Variants in GCFC2 observed in about 807,000 individuals in gnomAD.
GCFC2 encodes the protein GC-rich sequence DNA-binding factor 2.
In GCFC2, 102 loss-of-function variants were observed where a neutral mutation model predicts 99.4. That is an observed-to-expected ratio of 1.03 (90% CI 0.87 to 1.21). The LOEUF (loss-of-function observed/expected upper bound fraction) is 1.21, where lower values mean the gene tolerates loss of function less well. GCFC2 is among the 50% of genes most tolerant of loss of function. The pLI, the probability that GCFC2 is intolerant of heterozygous loss-of-function variation, is 0.00. For synonymous variants in GCFC2, 338 were observed against 316.8 expected (o/e 1.07, Z -0.71); for missense variants, 973 against 920.9 (o/e 1.06, Z -0.73).
At chr2:75,678,880 G>A (rs1679455697) in intron 12 of GCFC2, among the ~76,000 whole-genome samples, 1 of 152,078 alleles carries the variant, frequency 6.6e-6, no homozygotes, top group Non-Finnish European at 1.5e-5. Context: ...TTTTTTGGTA[G>A]AGATGGATCT....
upstream of GCFC2, among the ~76,000 whole-genome samples, chr2:75,711,617 G>C (rs1045221516): frequency 1.3e-5 from 2 of 152,224 alleles, no homozygotes; most frequent in African/African-American, 2.4e-5. Flanking sequence ...AGGTGACAGC[G>C]GGCCAGCTGG....
intron 1 of GCFC2, among the ~76,000 whole-genome samples, chr2:75,710,105 A>C (rs1303936022): frequency 6.6e-6 from 1 of 152,218 alleles, no homozygotes; most frequent in African/African-American, 2.4e-5. Context: ...TTTTGCAAAT[A>C]ACTGGTGAAA....
intron 4 of GCFC2, 53 bp downstream of exon 4, chr2:75,701,137 A>G: frequency 1.0e-6 from 1 of 982,520 alleles, no homozygotes; most frequent in South Asian, 1.4e-5. Context: ...GTTTGTGGTA[A>G]TTTGTTATAG....
In GCFC2 at chr2:75,680,867, A is replaced by G. The variant is rs566008348; in HGVS notation, c.1691-553T>C. ...AGCAGCACTATGAAGCTCCTACCAC[A>G]GCATCTACACACCTACCTACATCTG... is the stretch of plus-strand genomic sequence containing the variant. On this transcript the variant is annotated intron_variant, in intron 11 of 16. Coordinates refer to ENST00000321027, the MANE Select transcript of GCFC2 (RefSeq NM_003203.5). Among the ~76,000 whole-genome samples, 183 of 151,042 alleles carry G rather than the reference A, an allele frequency of 1.2e-3. 1 individual carries two copies. The highest frequency in any genetic ancestry group is 1.1e-3 in the Non-Finnish European group (74 of 67,616).
At chr2:75,676,731 G>C (rs541159341) in intron 12 of GCFC2, among the ~76,000 whole-genome samples, 1 of 152,114 alleles carries the variant, frequency 6.6e-6, no homozygotes, top group Non-Finnish European at 1.5e-5. Flanking sequence ...TCAAAACTGT[G>C]TCTCTCTCAT....
chr2:75,669,807 G>A (rs935735344), intron 15 of GCFC2, among the ~76,000 whole-genome samples: 3 of 151,820 alleles, frequency 2.0e-5, no homozygotes, highest in Non-Finnish European at 2.9e-5. Context: ...TCACTGCAAC[G>A]TCTGCCTCCT....
At chr2:75,694,932 T>A (rs888687191) in intron 5 of GCFC2, among the ~76,000 whole-genome samples, 3 of 152,128 alleles carry the variant, frequency 2.0e-5, no homozygotes, top group Non-Finnish European at 4.4e-5. Context: ...TGGGTTCCTC[T>A]AGGGAGGGTG....
Position 75,691,991 on chromosome 2 carries a change from A to C in GCFC2, c.1130T>G (p.Leu377Ter). Residue 377 changes from leucine (L) to a stop codon, truncating the protein, a stop_gained, in exon 7 of 17, where the codon TTA (leucine) becomes TGA (stop). Transcript: ENST00000321027. LOFTEE classifies it high-confidence loss of function. ...AAAACACTAACGTGATAACTGTTGT[A>C]AATACGTTGATTCATGTTTTAATTC... is the stretch of plus-strand genomic sequence containing the variant. ...QDELKHESTYLQQLSRKDETS... is the reference protein window; with the variant it reads ...QDELKHESTY 1 of 1,538,798 alleles carries C rather than the reference A, an allele frequency of 6.5e-7. No homozygotes were observed. Among genetic ancestry groups the C allele is most frequent in the Non-Finnish European group, 8.8e-7 (1 of 1,136,206 alleles).
intron 6 of GCFC2, 48 bp from the exon 7 acceptor site, chr2:75,692,148 T>TAC: frequency 1.9e-5 from 1 of 53,054 alleles, no homozygotes; most frequent in Non-Finnish European, 2.9e-5. Context: ...GATAATGAAA[T>TAC]ATATATATAT....
At chr2:75,668,446 G>A (rs1266663676) in intron 15 of GCFC2, among the ~76,000 whole-genome samples, 1 of 152,174 alleles carries the variant, frequency 6.6e-6, no homozygotes, top group Non-Finnish European at 1.5e-5. Flanking sequence ...GCAAAAATAA[G>A]CTCCTTTCTT....
Position 75,689,289 on chromosome 2 carries a change from AAC to A in GCFC2, c.1340-66_1340-65del, listed in dbSNP as rs1243626516. On this transcript the variant is annotated intron_variant, in intron 9 of 16. Transcript: ENST00000321027. The stretch of plus-strand genomic sequence containing the variant: ...TGAACTTTAAGTATGCTTCCTTAAA[AAC>A]ACGGTCATGATGGACTGTAATCAAT... 30 of 861,010 alleles carry A rather than the reference AAC, an allele frequency of 3.5e-5. No homozygotes were observed. In the African/African-American group the frequency reaches 5.1e-4, roughly 15 times the overall value. 53.3% of individuals were successfully genotyped at this position (861,010 alleles called of 1,614,324 possible). A position where few individuals can be genotyped will look rare whatever the true frequency, so the allele number is the denominator to read the frequency against.
At position 75,705,573 on chromosome 2, in the gene GCFC2, C is replaced by T. The variant is rs1334289963; in HGVS notation, c.394+950G>A. The stretch of plus-strand genomic sequence containing the variant: ...CGGAGCTTGCAGTGAACCCAGATTG[C>T]GCCACTGCACTCCAGCCTGGGCGAC... On this transcript the variant is annotated intron_variant, in intron 2 of 16. Transcript: ENST00000321027. Among the ~76,000 whole-genome samples, 9 of 109,808 alleles carry T rather than the reference C, an allele frequency of 8.2e-5. No individual in the cohort carries two copies. In the South Asian group the frequency reaches 1.9e-3, roughly 23 times the overall value. The allele number at this position is 109,808 out of a possible 152,430, so 72.0% of individuals were successfully genotyped here. A position where few individuals can be genotyped will look rare whatever the true frequency, so the allele number is the denominator to read the frequency against.
chr2:75,702,234 G>A lies in GCFC2; in HGVS notation c.584C>T (p.Pro195Leu), dbSNP rs760909768. ...AGCCATCCTTTGTCTAAGTGTTTGA[G>A]GTCTTAGAGTAAATGGTATTCTCTT... ...HEKRIPFTLR[P>L]QTLRQRMAEE... is the part of the protein sequence containing the mutation. The change falls in exon 3 of 17, where the codon CCT becomes CTT. Residue 195 changes from proline to leucine, a missense_variant. By Grantham distance (98) the Pro-to-Leu change is moderately conservative (BLOSUM62 -3). Transcript: ENST00000321027. 7.5e-6 allele frequency: 12 copies of A among 1,606,050 alleles called. No individual in the cohort carries two copies. The highest frequency in any genetic ancestry group is 9.4e-6 in the Non-Finnish European group (11 of 1,172,814).
chr2:75,703,485 G>A (rs1173065199), intron 2 of GCFC2, among the ~76,000 whole-genome samples: 1 of 152,202 alleles, frequency 6.6e-6, no homozygotes, highest in Non-Finnish European at 1.5e-5. Context: ...AAAAGTCCTT[G>A]AGTGAATCAT....
intron 2 of GCFC2, among the ~76,000 whole-genome samples, chr2:75,706,039 AT>A (rs1281844880): frequency 6.6e-6 from 1 of 152,244 alleles, no homozygotes; most frequent in African/African-American, 2.4e-5. Flanking sequence ...CATTCATGTC[AT>A]CTGTATAAAA....
In GCFC2 at chr2:75,663,262, T is replaced by C. The variant is rs939427013; in HGVS notation, c.*1404A>G. ...TATTCAAATCCTACAATATATTCAA[T>C]TTTTTCCAATTATCTTTTGAACAAC... On this transcript the variant is annotated 3_prime_UTR_variant, in exon 17 of 17. Coordinates refer to ENST00000321027, the MANE Select transcript of GCFC2 (RefSeq NM_003203.5). 3.9e-5 allele frequency: 6 copies of C among 152,172 alleles called. No homozygotes were observed. Among genetic ancestry groups the C allele is most frequent in the African/African-American group, 1.4e-4 (6 of 41,454 alleles). 9.4% of individuals were successfully genotyped at this position (152,172 alleles called of 1,614,324 possible).
intron 10 of GCFC2, 73 bp downstream of exon 10, chr2:75,688,953 C>G (rs760990202): frequency 3.6e-6 from 3 of 826,522 alleles, no homozygotes; most frequent in Non-Finnish European, 6.0e-6. Context: ...GTATTTAATG[C>G]CTAACACAAT....
At chr2:75,669,399 C>T (rs917178435) in intron 15 of GCFC2, among the ~76,000 whole-genome samples, 2 of 152,104 alleles carry the variant, frequency 1.3e-5, no homozygotes, top group Non-Finnish European at 2.9e-5. Flanking sequence ...CTTTTTGATC[C>T]ACTAAAGTTT....
chr2:75,683,897 A>T (rs1679698178), intron 11 of GCFC2, among the ~76,000 whole-genome samples: 2 of 152,290 alleles, frequency 1.3e-5, no homozygotes, highest in East Asian at 3.9e-4. Context: ...ATAATGGTGA[A>T]GGGATCAGTG....
Sources: allele counts gnomAD v4.1 joint callset (sites outside exome capture counted in the v4.1 genomes callset), GRCh38; gene constraint gnomAD v4.1.1; transcripts MANE v1.5; gene names NCBI Gene and HGNC (gene_info 2026-07-23, HGNC 2026-07-21).